Variants in GARIN2 observed in about 807,000 individuals in gnomAD.
GARIN2 encodes Golgi-associated RAB2 interactor protein 2.
the GARIN2 span, among the ~76,000 whole-genome samples, chr14:67,202,576 T>C: frequency 6.6e-6 from 1 of 152,242 alleles, no homozygotes; most frequent in Non-Finnish European, 1.5e-5. Context: ...AGGTTATAAA[T>C]ATAAGAAGAG....
chr14:67,193,090 A>ATCTCTATATAGATATC, the GARIN2 span, among the ~76,000 whole-genome samples: 61 of 144,006 alleles, frequency 4.2e-4, no homozygotes, highest in African/African-American at 1.4e-3. Context: ...ATCTATCTAT[A>ATCTCTATATAGATATC]TCTCTATATA....
At chr14:67,199,835 C>G in the GARIN2 span, 1 of 1,498,468 alleles carries the variant, frequency 6.7e-7, no homozygotes, top group African/African-American at 1.4e-5. Flanking sequence ...TGGGATACCC[C>G]CAGCCATGCC....
At chr14:67,211,894 CAGTTTCTGTAG>C in the GARIN2 span, among the ~76,000 whole-genome samples, 1 of 152,126 alleles carries the variant, frequency 6.6e-6, no homozygotes, top group African/African-American at 2.4e-5. Flanking sequence ...AAAACAGAAC[CAGTTTCTGTAG>C]GTTCTGTACA....
the GARIN2 span, among the ~76,000 whole-genome samples, chr14:67,192,213 T>C: frequency 6.6e-6 from 1 of 152,200 alleles, no homozygotes; most frequent in Non-Finnish European, 1.5e-5. Flanking sequence ...TGGAAAAATA[T>C]AAGCTATGAT....
the GARIN2 span, chr14:67,199,858 C>T: frequency 3.4e-6 from 5 of 1,490,538 alleles, no homozygotes; most frequent in Non-Finnish European, 4.5e-6. Flanking sequence ...ACCACCTATG[C>T]CTCCTGGGGC....
chr14:67,192,233 T>C, the GARIN2 span, among the ~76,000 whole-genome samples: 1 of 152,346 alleles, frequency 6.6e-6, no homozygotes, highest in African/African-American at 2.4e-5. Flanking sequence ...TTGTGAAGAT[T>C]AATACACAAT....
At chr14:67,214,491 T>C in the GARIN2 span, among the ~76,000 whole-genome samples, 127 of 152,348 alleles carry the variant, frequency 8.3e-4, no homozygotes, top group Non-Finnish European at 6.0e-4. Flanking sequence ...TGCGGCGTTA[T>C]TTCTGAGGGC....
At chr14:67,196,753 AC>A in the GARIN2 span, 1 of 152,176 alleles carries the variant, frequency 6.6e-6, no homozygotes, top group Non-Finnish European at 1.5e-5. Context: ...TCACCAAAAG[AC>A]CACGGTGAGG....
the GARIN2 span, among the ~76,000 whole-genome samples, chr14:67,216,908 A>G: frequency 1.3e-5 from 2 of 152,198 alleles, no homozygotes; most frequent in Non-Finnish European, 2.9e-5. Context: ...GAAATGTTCT[A>G]TAAATGTCTG....
At chr14:67,198,649 T>C in the GARIN2 span, among the ~76,000 whole-genome samples, 1 of 152,158 alleles carries the variant, frequency 6.6e-6, no homozygotes, top group African/African-American at 2.4e-5. Flanking sequence ...TTCTTAGGCG[T>C]AGAAGACATT....
chr14:67,213,794 G>C, the GARIN2 span, among the ~76,000 whole-genome samples: 6,795 of 152,246 alleles, frequency 0.045, 165 homozygotes, highest in Middle Eastern at 0.054. Flanking sequence ...GTGTAAAAGT[G>C]TTCCTATTTC....
the GARIN2 span, among the ~76,000 whole-genome samples, chr14:67,192,924 A>G: frequency 6.8e-6 from 1 of 146,936 alleles, no homozygotes; most frequent in Admixed American, 6.9e-5. Context: ...ATATATATGT[A>G]TATATAGATA....
chr14:67,213,173 TA>T, the GARIN2 span, among the ~76,000 whole-genome samples: 2 of 151,332 alleles, frequency 1.3e-5, no homozygotes, highest in Non-Finnish European at 2.9e-5. Context: ...TTTATTTTAT[TA>T]TTATTATACT....
chr14:67,198,848 C>T, the GARIN2 span: 1 of 602,754 alleles, frequency 1.7e-6, no homozygotes, highest in Non-Finnish European at 3.1e-6. Context: ...TTAAAATATT[C>T]AGACAAAGAA....
the GARIN2 span, among the ~76,000 whole-genome samples, chr14:67,207,737 T>A: frequency 6.6e-5 from 10 of 151,980 alleles, no homozygotes; most frequent in African/African-American, 2.2e-4. Context: ...GAGGGGGGGA[T>A]TTTAGAGTAT....
At chr14:67,222,993 A>AT in the GARIN2 span, among the ~76,000 whole-genome samples, 1 of 140,954 alleles carries the variant, frequency 7.1e-6, no homozygotes, top group African/African-American at 2.7e-5. Context: ...GGGCCTTCCC[A>AT]TTGGGCTTTT....
At chr14:67,212,880 C>T in the GARIN2 span, among the ~76,000 whole-genome samples, 12 of 149,784 alleles carry the variant, frequency 8.0e-5, no homozygotes, top group South Asian at 2.3e-3. Context: ...AATCCCAGAG[C>T]CTCTAGATAC....
chr14:67,223,403 A>G, the GARIN2 span, among the ~76,000 whole-genome samples: 1 of 152,238 alleles, frequency 6.6e-6, no homozygotes, highest in African/African-American at 2.4e-5. Context: ...TTATAGGGAA[A>G]TGCTATCATA....
chr14:67,200,314 C>A, the GARIN2 span: 1 of 662,574 alleles, frequency 1.5e-6, no homozygotes. Context: ...CTTTGGAGCC[C>A]TCTCCCTCAG....
Sources: allele counts gnomAD v4.1 joint callset (sites outside exome capture counted in the v4.1 genomes callset), GRCh38; gene constraint gnomAD v4.1.1; transcripts MANE v1.5; gene names NCBI Gene and HGNC (gene_info 2026-07-23, HGNC 2026-07-21).